ATL2: variants seen among roughly 807,000 people sequenced by gnomAD.
The protein encoded by ATL2 is atlastin GTPase 2.
Under a neutral mutation model 73.9 loss-of-function variants are expected in ATL2, and 31 were observed. The observed-to-expected ratio is 0.42, with a 90% CI of 0.32 to 0.57. ATL2 has a LOEUF of 0.57. Among genes scored for constraint, ATL2 ranks in the 20% least tolerant of loss-of-function variants. ATL2 has a pLI of 0.14. For missense variants in ATL2, 738 were observed against 702.6 expected, an observed-to-expected ratio of 1.05 and a Z score of -0.57; for synonymous variants, 291 against 237.5, an observed-to-expected ratio of 1.23 and a Z score of -2.07.
At chr2:38,298,030 C>G (rs1465297409) in intron 12 of ATL2, 114 bp downstream of exon 12, 54 of 932,468 alleles carry the variant, frequency 5.8e-5, no homozygotes, top group Non-Finnish European at 8.2e-5. Context: ...AAACAGAAGA[C>G]ATCCTTTTGA....
At chr2:38,311,100 C>T (rs1667734200) in intron 7 of ATL2, among the ~76,000 whole-genome samples, 1 of 150,734 alleles carries the variant, frequency 6.6e-6, no homozygotes, top group African/African-American at 2.5e-5. Flanking sequence ...GTACTTACAA[C>T]AGCAACAAAA....
In ATL2 at chr2:38,343,395, G is replaced by A. The variant is rs1485468850; in HGVS notation, c.236C>T (p.Ala79Val). Reference sequence around the variant, plus strand: ...CTCCTGTAGCAATATCTGCTCCAAAGCTTCTTCATCAAGTTCAAAGTTATG... The same window carrying A: ...CTCCTGTAGCAATATCTGCTCCAAAACTTCTTCATCAAGTTCAAAGTTATG... Reference protein sequence around the residue: ...DDHNFELDEEALEQILLQEHI... With the variant: ...DDHNFELDEEVLEQILLQEHI... The change falls in exon 2 of 13, where the codon GCT becomes GTT. Residue 79 changes from alanine to valine, a missense_variant. Physicochemically the swap from Ala to Val is moderately conservative, Grantham distance 64. Transcript: ENST00000378954. 8 of 1,612,356 alleles carry A rather than the reference G, an allele frequency of 5.0e-6. No homozygotes were observed. Among genetic ancestry groups the A allele is most frequent in the Non-Finnish European group, 6.8e-6 (8 of 1,179,720 alleles).
chr2:38,354,771 T>C (rs1044128666), intron 1 of ATL2, among the ~76,000 whole-genome samples: 3 of 152,020 alleles, frequency 2.0e-5, no homozygotes, highest in Non-Finnish European at 2.9e-5. Context: ...ATCCCTGTAA[T>C]CCCAGTTACT....
chr2:38,311,309 T>G (rs1558395938), intron 7 of ATL2, among the ~76,000 whole-genome samples: 1 of 152,026 alleles, frequency 6.6e-6, no homozygotes, highest in Non-Finnish European at 1.5e-5. Context: ...AACTGCCATG[T>G]ATTAGGGGGA....
chr2:38,350,463 C>G (rs1432054438), intron 1 of ATL2, among the ~76,000 whole-genome samples: 4 of 152,110 alleles, frequency 2.6e-5, no homozygotes, highest in Admixed American at 6.6e-5. Context: ...GAGGGATGAA[C>G]AGGCATAACA....
chr2:38,322,364 C>T (rs1424560225), intron 2 of ATL2, among the ~76,000 whole-genome samples: 3 of 152,056 alleles, frequency 2.0e-5, no homozygotes, highest in Non-Finnish European at 4.4e-5. Flanking sequence ...ACAAGTATTC[C>T]CATCACAGAG....
At chr2:38,323,284 T>C (rs561490969) in intron 2 of ATL2, among the ~76,000 whole-genome samples, 1 of 137,258 alleles carries the variant, frequency 7.3e-6, no homozygotes, top group Non-Finnish European at 1.6e-5. Context: ...ATAAAGTAAA[T>C]AGGAAAAAAA....
intron 2 of ATL2, among the ~76,000 whole-genome samples, chr2:38,340,168 T>TG (rs1669622549): frequency 2.9e-4 from 1 of 3,448 alleles, no homozygotes; most frequent in African/African-American, 6.3e-4. Context: ...CAGTTAGTTT[T>TG]GGTGGGGGGG....
At position 38,294,154 on chromosome 2, in the gene ATL2, A is replaced by C. The variant is rs1352746985; in HGVS notation, c.*1840T>G. On this transcript the variant is annotated 3_prime_UTR_variant, in exon 13 of 13. Coordinates refer to ENST00000378954, the MANE Select transcript of ATL2 (RefSeq NM_001135673.4). ...GATGAAAACAAATACAATCCATATA[A>C]AAACAGAATCTGAATGGGAGTGGGA... Among the ~76,000 whole-genome samples the C allele has an allele frequency of 6.6e-6, 1 of 152,226 alleles. No individual in the cohort carries two copies. The highest frequency in any genetic ancestry group is 1.5e-5 in the Non-Finnish European group (1 of 68,032).
At chr2:38,298,056 G>A in intron 12 of ATL2, 88 bp downstream of exon 12, 5 of 1,266,980 alleles carry the variant, frequency 3.9e-6, no homozygotes, top group Non-Finnish European at 5.5e-6. Flanking sequence ...CTCACATGAA[G>A]GCAAAGTCGG....
At chr2:38,376,341 T>A in intron 1 of ATL2, 1 of 999,582 alleles carries the variant, frequency 1.0e-6, no homozygotes, top group Non-Finnish European at 1.4e-6. Flanking sequence ...ACACGTACAG[T>A]AGGAGCTCAC....
chr2:38,298,531 C>G lies in ATL2; in HGVS notation c.1245G>C (p.Glu415Asp). The G allele has an allele frequency of 6.2e-7, 1 of 1,614,168 alleles. No individual in the cohort carries two copies. Among genetic ancestry groups the G allele is most frequent in the Non-Finnish European group, 8.5e-7 (1 of 1,179,998 alleles). ...DKPYIAPSDLERKHLDLKEVA... is the reference protein window; with the variant it reads ...DKPYIAPSDLDRKHLDLKEVA... ...CTTCCTTGAGATCCAAGTGTTTTCG[C>G]TCCAGATCTGAAGGTGCAATGTAAG... The change falls in exon 12 of 13, where the codon GAG becomes GAC. Residue 415 changes from glutamate (E) to aspartate (D), a missense_variant. Transcript: ENST00000378954.
At position 38,364,119 on chromosome 2, in the gene ATL2, G is replaced by T. The variant is rs143961649; in HGVS notation, c.118+13024C>A. On this transcript the variant is annotated intron_variant, in intron 1 of 12. Coordinates refer to ENST00000378954, the MANE Select transcript of ATL2 (RefSeq NM_001135673.4). ...TCTACTAAAAATACAAAAATTACCC[G>T]GGCGTGGTGGCGGATGCCTGTAATA... 2.9e-4 allele frequency among the ~76,000 whole-genome samples: 44 copies of T among 152,146 alleles called. 1 individual carries two copies. The highest frequency in any genetic ancestry group is 9.9e-4 in the African/African-American group (41 of 41,520).
intron 2 of ATL2, among the ~76,000 whole-genome samples, chr2:38,337,539 A>ATTGAACAC (rs1669440361): frequency 6.7e-6 from 1 of 149,120 alleles, no homozygotes; most frequent in South Asian, 2.1e-4. Context: ...CAACTTGAAA[A>ATTGAACAC]TTGAACACTT....
At chr2:38,369,354 G>C (rs113855049) in intron 1 of ATL2, among the ~76,000 whole-genome samples, 4,475 of 152,278 alleles carry the variant, frequency 0.029, 95 homozygotes, top group Non-Finnish European at 0.046. Flanking sequence ...GGAGGCAGAG[G>C]CACGAGAATC....
Position 38,377,234 on chromosome 2 carries a change from T to C in ATL2, c.27A>G (p.Arg9=). Reference sequence around the variant, plus strand: ...ACAGCCCCTGGTGCGGTTGCTGCCCTCGCGCTGCCTCGTCCCCCTCCGCCA... The same window carrying C: ...ACAGCCCCTGGTGCGGTTGCTGCCCCCGCGCTGCCTCGTCCCCCTCCGCCA... MAEGDEAA[R]GQQPHQGLWR... is the part of the protein sequence containing the mutation. The change falls in exon 1 of 13, where the codon CGA becomes CGG. Residue 9 remains arginine, a synonymous_variant. Transcript: ENST00000378954. 1 of 1,598,304 alleles carries C rather than the reference T, an allele frequency of 6.3e-7. No individual in the cohort carries two copies. The highest frequency in any genetic ancestry group is 8.5e-7 in the Non-Finnish European group (1 of 1,173,282).
intron 12 of ATL2, 93 bp from the exon 13 acceptor site, chr2:38,296,206 T>G (rs1202751658): frequency 4.9e-6 from 7 of 1,431,954 alleles, no homozygotes; most frequent in Middle Eastern, 2.0e-4. Flanking sequence ...TTCAAAGCAA[T>G]GATGAAAATA....
Position 38,359,019 on chromosome 2 carries a change from A to C in ATL2, c.119-15507T>G, listed in dbSNP as rs191484241. Among the ~76,000 whole-genome samples, 6 of 152,354 alleles carry C rather than the reference A, an allele frequency of 3.9e-5. No individual in the cohort carries two copies. The East Asian group carries it at 1.2e-3, about 29-fold the overall frequency. On this transcript the variant is annotated intron_variant, in intron 1 of 12. Coordinates refer to ENST00000378954, the MANE Select transcript of ATL2 (RefSeq NM_001135673.4). ...GAACTTATAAACTCATATTTCTCTC[A>C]TATAAAATTAGAACTACAATGCAAA...
chr2:38,343,295 G>A lies in ATL2; in HGVS notation c.336C>T (p.Asp112=), dbSNP rs147181308. 4.3e-6 allele frequency: 7 copies of A among 1,609,254 alleles called. No individual in the cohort carries two copies. Among genetic ancestry groups the A allele is most frequent in the Non-Finnish European group, 5.1e-6 (6 of 1,178,924 alleles). Residue 112 remains aspartate (D), a synonymous_variant, in exon 2 of 13, where the codon GAC becomes GAT. Coordinates refer to ENST00000378954, the MANE Select transcript of ATL2 (RefSeq NM_001135673.4). ...TGTTATACATGTATCTAAGCATGAA[G>A]TCCAGTAGAAATGACTTCCCTTTAC... ...AFRKGKSFLL[D]FMLRYMYNKD...
Sources: allele counts gnomAD v4.1 joint callset (sites outside exome capture counted in the v4.1 genomes callset), GRCh38; gene constraint gnomAD v4.1.1; transcripts MANE v1.5; gene names NCBI Gene and HGNC (gene_info 2026-07-23, HGNC 2026-07-21).